The following KIF13B variants were observed in gnomAD, a reference collection of about 807,000 sequenced individuals.
The protein encoded by KIF13B is kinesin-like protein KIF13B.
In KIF13B, 127 loss-of-function variants were observed where a neutral mutation model predicts 222.0. The observed-to-expected ratio is 0.57, with a 90% CI of 0.50 to 0.66. KIF13B has a LOEUF of 0.66. KIF13B is among the 30% of genes least tolerant of loss of function. The pLI is 0.00. For missense variants in KIF13B, 2,173 were observed against 2,379.0 expected (o/e 0.91, Z 1.80); for synonymous variants, 976 against 919.0 (o/e 1.06, Z -1.12).
At chr8:29,079,592 A>G (rs1167344980) in intron 37 of KIF13B, among the ~76,000 whole-genome samples, 1 of 152,170 alleles carries the variant, frequency 6.6e-6, no homozygotes, top group Non-Finnish European at 1.5e-5. Context: ...GAAAGAACAG[A>G]CTCTGAAATG....
intron 36 of KIF13B, among the ~76,000 whole-genome samples, chr8:29,093,421 C>A (rs1449351679): frequency 6.6e-6 from 1 of 152,168 alleles, no homozygotes; most frequent in African/African-American, 2.4e-5. Context: ...TACGTTCTTA[C>A]CTGCTGTTAA....
chr8:29,087,586 T>C (rs569749033), intron 37 of KIF13B, among the ~76,000 whole-genome samples: 21 of 152,290 alleles, frequency 1.4e-4, no homozygotes, highest in South Asian at 6.2e-4. Flanking sequence ...AACAGCACAA[T>C]GAGCTAACAC....
chr8:29,139,979 T>C, intron 21 of KIF13B, 84 bp downstream of exon 21: 2 of 1,222,960 alleles, frequency 1.6e-6, no homozygotes, highest in East Asian at 2.6e-5. Context: ...GCAAAAGTAA[T>C]TGTGATTTTT....
At chr8:29,255,987 C>T (rs1816462672) in intron 1 of KIF13B, among the ~76,000 whole-genome samples, 1 of 141,954 alleles carries the variant, frequency 7.0e-6, no homozygotes, top group South Asian at 2.3e-4. Context: ...ACAGTAATGA[C>T]TCCGAAATCT....
rs191873989 is a variant in KIF13B, at chr8:29,107,767, A to G, written c.4215+372T>C. Among the ~76,000 whole-genome samples the G allele has an allele frequency of 4.7e-3, 712 of 152,030 alleles. 6 individuals carry two copies. Among genetic ancestry groups the G allele is most frequent in the African/African-American group, 0.016 (645 of 41,504 alleles). ...AGTAGAGACGGGGTTTCACCGTGTT[A>G]GCCAGGATGGTCTCGATCTCCTGAC... is the stretch of plus-strand genomic sequence containing the variant. On this transcript the variant is annotated intron_variant, in intron 35 of 39. Transcript: ENST00000524189.
In KIF13B at chr8:29,125,915, G is replaced by A. The variant is rs1237598294; in HGVS notation, c.3252+567C>T. Among the ~76,000 whole-genome samples, 5 of 151,892 alleles carry A rather than the reference G, an allele frequency of 3.3e-5. No homozygotes were observed. The East Asian group carries it at 5.8e-4, about 18-fold the overall frequency. ...CAAGGTCAGGAATTCGGGACCAGCC[G>A]GGCCAACATTGTGAAACCCCGTCTC... On this transcript the variant is annotated intron_variant, in intron 26 of 39. Transcript: ENST00000524189.
At chr8:29,255,534 C>T (rs1435544892) in intron 1 of KIF13B, among the ~76,000 whole-genome samples, 1 of 152,000 alleles carries the variant, frequency 6.6e-6, no homozygotes, top group Non-Finnish European at 1.5e-5. Flanking sequence ...TCTATTGGCT[C>T]TATCTATACA....
At chr8:29,146,267 C>G in intron 18 of KIF13B, 111 bp downstream of exon 18, 5 of 1,070,808 alleles carry the variant, frequency 4.7e-6, no homozygotes, top group Non-Finnish European at 7.2e-6. Flanking sequence ...GACAAAGGAT[C>G]TGGACTTGGG....
intron 2 of KIF13B, among the ~76,000 whole-genome samples, chr8:29,242,720 G>A (rs1031179315): frequency 3.9e-5 from 6 of 152,208 alleles, no homozygotes; most frequent in African/African-American, 1.4e-4. Context: ...GGAAGAGTTC[G>A]TCATTTATCT....
At chr8:29,122,385 T>G (rs1052522470) in intron 29 of KIF13B, among the ~76,000 whole-genome samples, 1 of 152,148 alleles carries the variant, frequency 6.6e-6, no homozygotes, top group Non-Finnish European at 1.5e-5. Context: ...GTGAGGAGTA[T>G]GGTGAAGCAC....
intron 1 of KIF13B, among the ~76,000 whole-genome samples, chr8:29,248,533 C>T (rs1284099376): frequency 6.6e-6 from 1 of 152,116 alleles, no homozygotes; most frequent in African/African-American, 2.4e-5. Context: ...AGAAGGACAG[C>T]CAAGCGAACA....
At chr8:29,203,132 G>C (rs1563785047) in intron 2 of KIF13B, among the ~76,000 whole-genome samples, 1 of 152,196 alleles carries the variant, frequency 6.6e-6, no homozygotes, top group African/African-American at 2.4e-5. Flanking sequence ...GAAGGACAAA[G>C]TGTTCTTCCT....
chr8:29,204,623 A>G (rs1010700609), intron 2 of KIF13B, among the ~76,000 whole-genome samples: 3 of 152,378 alleles, frequency 2.0e-5, no homozygotes, highest in African/African-American at 7.2e-5. Context: ...TTGATGAAGT[A>G]TATTTCATAT....
intron 7 of KIF13B, 50 bp downstream of exon 7, chr8:29,181,869 C>T: frequency 8.0e-7 from 1 of 1,254,268 alleles, no homozygotes; most frequent in African/African-American, 1.5e-5. Context: ...AAAAAAGAGC[C>T]CCACCCTACT....
At chr8:29,244,819 C>T (rs1225775389) in intron 2 of KIF13B, among the ~76,000 whole-genome samples, 1 of 152,132 alleles carries the variant, frequency 6.6e-6, no homozygotes, top group African/African-American at 2.4e-5. Context: ...GAGTCTCTTT[C>T]CCCCAAAGAC....
Position 29,116,993 on chromosome 8 carries a change from G to A in KIF13B, c.3675C>T (p.Ala1225=), listed in dbSNP as rs764766053. The A allele has an allele frequency of 2.1e-5, 33 of 1,584,110 alleles. No homozygotes were observed. Among genetic ancestry groups the A allele is most frequent in the South Asian group, 4.5e-5 (4 of 88,906 alleles). The part of the protein sequence containing the change: ...KQHDGEVKAE[A]SWDSAVHGCP... The stretch of plus-strand genomic sequence containing the variant: ...AGCCATGCACCGCGGAGTCCCAGGA[G>A]GCTTCTGCTTTCACCTGGAGAGAAG... The change falls in exon 31 of 40, where the codon GCC becomes GCT. Residue 1225 remains alanine (A), a synonymous_variant. Transcript: ENST00000524189.
intron 10 of KIF13B, among the ~76,000 whole-genome samples, chr8:29,170,608 T>G (rs967867275): frequency 6.6e-6 from 1 of 151,858 alleles, no homozygotes; most frequent in Admixed American, 6.6e-5. Context: ...GAGGAGAGAC[T>G]GAAGAGATGG....
Position 29,071,866 on chromosome 8 carries a change from A to C in KIF13B, c.4972T>G (p.Ser1658Ala). 1 of 1,536,086 alleles carries C rather than the reference A, an allele frequency of 6.5e-7. No individual in the cohort carries two copies. Among genetic ancestry groups the C allele is most frequent in the Non-Finnish European group, 8.7e-7 (1 of 1,145,706 alleles). ...TCCCCAGCCAGCATGCGCGAGAAGG[A>C]GCGCAACTCCGAGGCCCGCACCCTC... Reference protein sequence around the residue: ...VRRVRASELRSFSRMLAGDPG... With the variant: ...VRRVRASELRAFSRMLAGDPG... Residue 1658 changes from serine to alanine, a missense_variant, in exon 39 of 40, where the codon TCC becomes GCC. Coordinates refer to ENST00000524189, the MANE Select transcript of KIF13B (RefSeq NM_015254.4). This position sits in a 1 kb window ranked among gnomAD's most constrained non-coding sequence, Gnocchi z 4.9.
At chr8:29,180,020 T>C (rs1438234263) in intron 8 of KIF13B, 84 bp downstream of exon 8, 5 of 1,487,606 alleles carry the variant, frequency 3.4e-6, no homozygotes, top group Non-Finnish European at 3.7e-6. Context: ...AGGACTTTAA[T>C]TCATCTAACA....
Sources: gnomAD v4.1 joint callset for allele counts (sites outside exome capture counted in the v4.1 genomes callset) on GRCh38, gnomAD v4.1.1 for gene constraint, Gnocchi (gnomAD v3.1) non-coding constraint, MANE v1.5 for transcripts, NCBI Gene and HGNC (gene_info 2026-07-23, HGNC 2026-07-21) for gene names.